Variants in PELP1 observed in about 807,000 individuals in gnomAD.
The protein encoded by PELP1 is proline, glutamate and leucine rich protein 1.
In PELP1, 32 loss-of-function variants were observed where a neutral mutation model predicts 95.5. The ratio of observed to expected loss-of-function variants is 0.34; its 90% CI spans 0.25 to 0.45. The LOEUF (loss-of-function observed/expected upper bound fraction) is 0.45, where lower values mean the gene tolerates loss of function less well. PELP1 is among the 20% of genes least tolerant of loss of function. PELP1 has a pLI of 1.00. For missense variants in PELP1, 1,358 were observed against 1,444.8 expected, an observed-to-expected ratio of 0.94 and a Z score of 0.97; for synonymous variants, 668 against 600.1, an observed-to-expected ratio of 1.11 and a Z score of -1.65.
chr17:4,672,342 G>A lies in PELP1; in HGVS notation c.2649C>T (p.Ile883=). The change falls in exon 16 of 17, where the codon ATC becomes ATT. Residue 883 remains isoleucine, a synonymous_variant. Coordinates refer to ENST00000572293, the MANE Select transcript of PELP1 (RefSeq NM_014389.3). ...ALEEDLTVIN[I]NSSDEEEEEE... is the part of the protein sequence containing the mutation. Reference sequence around the variant, plus strand: ...CCTCCTCCTCTTCATCACTGCTGTTGATATTAATAACTGTCAAATCCTCTT... The same window carrying A: ...CCTCCTCCTCTTCATCACTGCTGTTAATATTAATAACTGTCAAATCCTCTT... 10 of 1,553,040 alleles carry A rather than the reference G, an allele frequency of 6.4e-6. No individual in the cohort carries two copies. Among genetic ancestry groups the A allele is most frequent in the Non-Finnish European group, 8.7e-6 (10 of 1,148,080 alleles).
chr17:4,684,293 G>C (rs1039957962), intron 3 of PELP1, among the ~76,000 whole-genome samples: 1 of 152,080 alleles, frequency 6.6e-6, no homozygotes, highest in African/African-American at 2.4e-5. Context: ...TGCTACTAAA[G>C]TTTTCTCCTC....
intron 1 of PELP1, among the ~76,000 whole-genome samples, chr17:4,694,468 A>G (rs545222405): frequency 3.6e-4 from 45 of 124,810 alleles, no homozygotes; most frequent in African/African-American, 1.4e-3. Flanking sequence ...CCTGGCCAAC[A>G]TGGTGAAACG....
In PELP1 at chr17:4,698,277, T is replaced by G. The variant is rs114958884; in HGVS notation, c.249+5586A>C. The stretch of plus-strand genomic sequence containing the variant: ...CTACGAAATAACTATTCTGTACTCT[T>G]TAAAAATATCAAGATCATAAGACAA... On this transcript the variant is annotated intron_variant, in intron 1 of 16. Transcript: ENST00000572293. Among the ~76,000 whole-genome samples, 270 of 152,044 alleles carry G rather than the reference T, an allele frequency of 1.8e-3. 2 individuals carry two copies. The highest frequency in any genetic ancestry group is 6.4e-3 in the African/African-American group (264 of 41,500).
intron 1 of PELP1, among the ~76,000 whole-genome samples, chr17:4,702,004 A>C (rs921110309): frequency 2.6e-5 from 4 of 152,244 alleles, no homozygotes; most frequent in Non-Finnish European, 5.9e-5. Context: ...AAGAAAAATA[A>C]GCAAGACGTT....
rs201714409 is a variant in PELP1, at chr17:4,676,723, G to A, written c.702+30C>T. On this transcript the variant is annotated intron_variant, in intron 6 of 16. Coordinates refer to ENST00000572293, the MANE Select transcript of PELP1 (RefSeq NM_014389.3). ...AGAGACAATCCAGGCTCAGATCCCCGGGCTCTCCCTCTCCCTCCCTGCCCT... is the reference window on the plus strand; with the variant it reads ...AGAGACAATCCAGGCTCAGATCCCCAGGCTCTCCCTCTCCCTCCCTGCCCT... 309 of 1,544,922 alleles carry A rather than the reference G, an allele frequency of 2.0e-4. 2 individuals carry two copies. In the Middle Eastern group the frequency reaches 4.0e-3, roughly 20 times the overall value.
intron 3 of PELP1, 30 bp from the exon 4 acceptor site, chr17:4,682,982 C>G (rs1188074127): frequency 9.0e-6 from 13 of 1,446,230 alleles, no homozygotes; most frequent in Non-Finnish European, 1.2e-5. Flanking sequence ...CTCGTGCTTC[C>G]AGCCTCACCT....
At position 4,703,841 on chromosome 17, in the gene PELP1, G is replaced by A. The variant is rs748937606; in HGVS notation, c.249+22C>T. ...GCGCCATCCTCCCCACAGGGCCGCG[G>A]GCACGCGGGCCACGGACTCACCTGG... On this transcript the variant is annotated intron_variant, in intron 1 of 16. Transcript: ENST00000572293. 6.3e-6 allele frequency: 10 copies of A among 1,594,906 alleles called. No homozygotes were observed. The Admixed American group carries it at 6.9e-5, about 11-fold the overall frequency.
chr17:4,703,994 T>G lies in PELP1; in HGVS notation c.118A>C (p.Ser40Arg), dbSNP rs748658014. 4 of 1,613,198 alleles carry G rather than the reference T, an allele frequency of 2.5e-6. No individual in the cohort carries two copies. Among genetic ancestry groups the G allele is most frequent in the Non-Finnish European group, 3.4e-6 (4 of 1,179,680 alleles). Residue 40 changes from serine (S) to arginine (R), a missense_variant, in exon 1 of 17, where the codon AGT (serine) becomes CGT (arginine). By Grantham distance (110) the Ser-to-Arg change is moderately radical. Transcript: ENST00000572293. ...CGAGGTTGCAGCAAACCAGAAACAC[T>G]CTCCAGCAGCAGCAGGCGGAGCCGC... ...GPRLRLLLLE[S>R]VSGLLQPRTG...
At chr17:4,683,571 C>G (rs1472135138) in intron 3 of PELP1, among the ~76,000 whole-genome samples, 2 of 129,190 alleles carry the variant, frequency 1.5e-5, no homozygotes, top group Non-Finnish European at 1.6e-5. Context: ...TGCTCTGTCC[C>G]CCAGGGTGGA....
At chr17:4,682,980 T>A in intron 3 of PELP1, 28 bp from the exon 4 acceptor site, 1 of 1,448,360 alleles carries the variant, frequency 6.9e-7, no homozygotes. Context: ...GTCTCGTGCT[T>A]CCAGCCTCAC....
At position 4,673,151 on chromosome 17, in the gene PELP1, G is replaced by C. The variant is rs1322181779; in HGVS notation, c.1846-6C>G. On this transcript the variant is annotated splice_region_variant and splice_polypyrimidine_tract_variant and intron_variant, in intron 15 of 16. Coordinates refer to ENST00000572293, the MANE Select transcript of PELP1 (RefSeq NM_014389.3). The surrounding 1 kb of genome is among the most constrained non-coding windows in gnomAD (Gnocchi z 5.7). ...TCTGAGCAGAAAGAGGAGACCTGAGGAAAGAAGAAAGGGCAAGTGTGAGCA... is the reference window on the plus strand; with the variant it reads ...TCTGAGCAGAAAGAGGAGACCTGAGCAAAGAAGAAAGGGCAAGTGTGAGCA... The C allele has an allele frequency of 6.6e-7, 1 of 1,510,644 alleles. No individual in the cohort carries two copies. The highest frequency in any genetic ancestry group is 8.9e-7 in the Non-Finnish European group (1 of 1,129,506). 93.6% of individuals were successfully genotyped at this position (1,510,644 alleles called of 1,614,324 possible). A position where few individuals can be genotyped will look rare whatever the true frequency, so the allele number is the denominator to read the frequency against.
intron 1 of PELP1, among the ~76,000 whole-genome samples, chr17:4,695,779 G>C (rs903478304): frequency 1.3e-5 from 2 of 149,870 alleles, no homozygotes; most frequent in Non-Finnish European, 3.0e-5. Context: ...AGGAGTTTGA[G>C]AACAGCCTTG....
chr17:4,702,957 GA>G lies in PELP1; in HGVS notation c.249+905del, dbSNP rs1373490344. Among the ~76,000 whole-genome samples, 37 of 152,234 alleles carry G rather than the reference GA, an allele frequency of 2.4e-4. 1 individual carries two copies. Among genetic ancestry groups the G allele is most frequent in the Admixed American group, 3.9e-4 (6 of 15,266 alleles). ...GCAATGAGAAAGATGGAAAAGAGTG[GA>G]CAGATCTGAAAACTACTCAAAGGAT... On this transcript the variant is annotated intron_variant, in intron 1 of 16. Coordinates refer to ENST00000572293, the MANE Select transcript of PELP1 (RefSeq NM_014389.3).
chr17:4,683,221 CT>C (rs34420450), intron 3 of PELP1: 611 of 235,142 alleles, frequency 2.6e-3, no homozygotes, highest in Middle Eastern at 5.1e-3. Flanking sequence ...GAAGAGTTTT[CT>C]TTTTTTTTTT....
In PELP1 at chr17:4,683,512, C is replaced by T. The variant is rs1432201510; in HGVS notation, c.421-560G>A. ...GGGATTACAGGTGTGAGCCATCACG[C>T]CCAGCTGAGTTTTCTTTTCTTTTTT... On this transcript the variant is annotated intron_variant, in intron 3 of 16. Transcript: ENST00000572293. 5.0e-5 allele frequency among the ~76,000 whole-genome samples: 7 copies of T among 140,544 alleles called. No individual in the cohort carries two copies. In the Admixed American group the frequency reaches 5.3e-4, roughly 11 times the overall value. 92.2% of individuals were successfully genotyped at this position (140,544 alleles called of 152,430 possible). A position where few individuals can be genotyped will look rare whatever the true frequency, so the allele number is the denominator to read the frequency against.
At position 4,672,304 on chromosome 17, in the gene PELP1, T is replaced by C; in HGVS notation, c.2687A>G (p.Glu896Gly). 1.9e-6 allele frequency: 3 copies of C among 1,538,806 alleles called. No homozygotes were observed. The highest frequency in any genetic ancestry group is 2.6e-6 in the Non-Finnish European group (3 of 1,136,966). Reference protein sequence around the residue: ...SDEEEEEEEEEEEEEEEEEEE... With the variant: ...SDEEEEEEEEGEEEEEEEEEE... ...CTCTTCTTCCTCTTCTTCTTCTTCC[T>C]CTTCTTCCTCTTCCTCCTCCTCTTC... The change falls in exon 16 of 17, where the codon GAG becomes GGG. Residue 896 changes from glutamate (E) to glycine (G), a missense_variant. Coordinates refer to ENST00000572293, the MANE Select transcript of PELP1 (RefSeq NM_014389.3).
At position 4,670,638 on chromosome 17, in the gene PELP1, T is replaced by C. The variant is rs1912159021; in HGVS notation, c.*801A>G. On this transcript the variant is annotated 3_prime_UTR_variant, in exon 17 of 17. Transcript: ENST00000572293. ...CAGGAGGCTGAGGCAGAGAATTGCTTGAACCTGGGAGGCAGAGGTTGCAGT... is the reference window on the plus strand; with the variant it reads ...CAGGAGGCTGAGGCAGAGAATTGCTCGAACCTGGGAGGCAGAGGTTGCAGT... The C allele has an allele frequency of 6.6e-6, 1 of 151,994 alleles. No individual in the cohort carries two copies. Among genetic ancestry groups the C allele is most frequent in the Admixed American group, 6.6e-5 (1 of 15,254 alleles). 9.4% of individuals were successfully genotyped at this position (151,994 alleles called of 1,614,324 possible). A position where few individuals can be genotyped will look rare whatever the true frequency, so the allele number is the denominator to read the frequency against.
At chr17:4,690,016 A>C (rs1913038737) in intron 3 of PELP1, among the ~76,000 whole-genome samples, 1 of 152,028 alleles carries the variant, frequency 6.6e-6, no homozygotes, top group Non-Finnish European at 1.5e-5. Flanking sequence ...ACAGAGCAAA[A>C]CTCTGTCGAG....
At position 4,675,577 on chromosome 17, in the gene PELP1, G is replaced by A; in HGVS notation, c.1069-215C>T. ...TGGGCCTCTCAGCAATGACTCAGCTGATCCCCAAATTCACCCTCCCCCAAG... is the reference window on the plus strand; with the variant it reads ...TGGGCCTCTCAGCAATGACTCAGCTAATCCCCAAATTCACCCTCCCCCAAG... On this transcript the variant is annotated intron_variant, in intron 9 of 16. Transcript: ENST00000572293. This position sits in a 1 kb window ranked among gnomAD's most constrained non-coding sequence, Gnocchi z 4.3. The A allele has an allele frequency of 2.8e-6, 2 of 707,908 alleles. No individual in the cohort carries two copies. The highest frequency in any genetic ancestry group is 5.1e-6 in the Non-Finnish European group (2 of 388,504). The allele number at this position is 707,908 out of a possible 1,614,324, so 43.9% of individuals were successfully genotyped here.
Sources: allele counts gnomAD v4.1 joint callset (sites outside exome capture counted in the v4.1 genomes callset), GRCh38; gene constraint gnomAD v4.1.1; non-coding constraint Gnocchi (gnomAD v3.1); transcripts MANE v1.5; gene names NCBI Gene and HGNC (gene_info 2026-07-23, HGNC 2026-07-21).